Variants in NTNG1 observed in about 807,000 individuals in gnomAD.
NTNG1 encodes netrin-G1.
Under a neutral mutation model 54.0 loss-of-function variants are expected in NTNG1, and 16 were observed. The observed-to-expected ratio is 0.30, with a 90% confidence interval of 0.20 to 0.45. The LOEUF (loss-of-function observed/expected upper bound fraction) is 0.45, where lower values mean the gene tolerates loss of function less well. NTNG1 is among the 20% of genes least tolerant of loss of function. The pLI, the probability that NTNG1 is intolerant of heterozygous loss-of-function variation, is 1.00. For missense variants in NTNG1, 530 were observed against 678.7 expected (o/e 0.78, Z 2.43); for synonymous variants, 255 against 263.1 (o/e 0.97, Z 0.30).
intron 5 of NTNG1, among the ~76,000 whole-genome samples, chr1:107,428,529 G>A (rs1012456576): frequency 3.3e-5 from 5 of 152,032 alleles, no homozygotes; most frequent in South Asian, 2.1e-4. Context: ...GAACCAACCC[G>A]GGTTAGGGAA....
intron 2 of NTNG1, among the ~76,000 whole-genome samples, chr1:107,284,969 G>T (rs942920253): frequency 2.6e-5 from 4 of 152,008 alleles, no homozygotes; most frequent in African/African-American, 9.7e-5. Flanking sequence ...GATTAGTCAT[G>T]GATACATCTC....
chr1:107,332,766 A>C (rs945024680), intron 3 of NTNG1, among the ~76,000 whole-genome samples: 1 of 152,038 alleles, frequency 6.6e-6, no homozygotes, highest in Non-Finnish European at 1.5e-5. Context: ...ATTCTGTTGC[A>C]ATATGGGTCT....
rs76003985 is a variant in NTNG1 at position 107,340,250 on chromosome 1, C to G, written c.887+15328C>G. 1.9e-4 allele frequency among the ~76,000 whole-genome samples: 29 copies of G among 152,112 alleles called. No homozygotes were observed. In the East Asian group the frequency reaches 5.4e-3, roughly 28 times the overall value. Reference sequence around the variant, plus strand: ...GAAAGACATGCTTTATTTCTCCTTTCCCTAAGATAGGCATATCCAGAAAAT... The same window carrying G: ...GAAAGACATGCTTTATTTCTCCTTTGCCTAAGATAGGCATATCCAGAAAAT... On this transcript the variant is annotated intron_variant, in intron 3 of 7. Transcript: ENST00000370068.
chr1:107,260,077 C>T (rs1235963628), intron 2 of NTNG1, among the ~76,000 whole-genome samples: 1 of 152,160 alleles, frequency 6.6e-6, no homozygotes, highest in East Asian at 1.9e-4. Flanking sequence ...CAAGAAGACA[C>T]ACACTGAAAA....
chr1:107,473,515 G>A (rs548447572), intron 7 of NTNG1, among the ~76,000 whole-genome samples: 80 of 152,226 alleles, frequency 5.3e-4, no homozygotes, highest in African/African-American at 1.8e-3. Flanking sequence ...AGGAATCAAG[G>A]TCTCGTAAGT....
At chr1:107,308,238 C>G (rs1206170543) in intron 2 of NTNG1, among the ~76,000 whole-genome samples, 4 of 152,202 alleles carry the variant, frequency 2.6e-5, no homozygotes, top group African/African-American at 7.2e-5. Flanking sequence ...GTTCCTATGT[C>G]CAGAATGTTA....
chr1:107,359,337 A>T (rs1380940760), intron 3 of NTNG1, among the ~76,000 whole-genome samples: 1 of 152,220 alleles, frequency 6.6e-6, no homozygotes, highest in South Asian at 2.1e-4. Context: ...GAGAAATATA[A>T]ATAGGAGATG....
intron 2 of NTNG1, among the ~76,000 whole-genome samples, chr1:107,274,228 GA>G (rs1377869837): frequency 5.3e-5 from 8 of 152,068 alleles, no homozygotes; most frequent in African/African-American, 1.9e-4. Flanking sequence ...CCCATTCTGG[GA>G]AAAAAAGTAA....
At chr1:107,471,468 G>T (rs1165706708) in intron 7 of NTNG1, among the ~76,000 whole-genome samples, 1 of 152,136 alleles carries the variant, frequency 6.6e-6, no homozygotes, top group Non-Finnish European at 1.5e-5. Flanking sequence ...CATTGCAAAA[G>T]ACAAAAGGTG....
chr1:107,415,124 G>A (rs953050381), intron 5 of NTNG1, among the ~76,000 whole-genome samples: 3 of 152,220 alleles, frequency 2.0e-5, no homozygotes, highest in East Asian at 3.9e-4. Flanking sequence ...GACAAATTCA[G>A]TCAATTTTAA....
chr1:107,479,164 A>C (rs150216655), intron 7 of NTNG1, among the ~76,000 whole-genome samples: 1 of 152,210 alleles, frequency 6.6e-6, no homozygotes, highest in East Asian at 1.9e-4. Flanking sequence ...CACCAAGGAA[A>C]TGTTGAGGAA....
intron 2 of NTNG1, among the ~76,000 whole-genome samples, chr1:107,297,451 T>C (rs1666052586): frequency 6.6e-6 from 1 of 151,780 alleles, no homozygotes; most frequent in East Asian, 1.9e-4. Context: ...GATTCTACTT[T>C]TAGGTATGTT....
At chr1:107,287,480 G>A (rs987765820) in intron 2 of NTNG1, among the ~76,000 whole-genome samples, 9 of 152,126 alleles carry the variant, frequency 5.9e-5, no homozygotes, top group Non-Finnish European at 1.3e-4. Flanking sequence ...TAGTGCAGTG[G>A]CATGTGCCTG....
intron 2 of NTNG1, among the ~76,000 whole-genome samples, chr1:107,241,784 A>G (rs529629773): frequency 6.6e-6 from 1 of 152,266 alleles, no homozygotes; most frequent in South Asian, 2.1e-4. Flanking sequence ...CCAGGAACAT[A>G]TTTTAGGGCA....
At position 107,480,949 on chromosome 1, in the gene NTNG1, A is replaced by G. The variant is rs1167018148; in HGVS notation, c.*109A>G. 1.0e-5 allele frequency: 8 copies of G among 798,586 alleles called. No homozygotes were observed. Among genetic ancestry groups the G allele is most frequent in the African/African-American group, 1.7e-5 (1 of 58,500 alleles). 49.5% of individuals were successfully genotyped at this position (798,586 alleles called of 1,614,324 possible). A position where few individuals can be genotyped will look rare whatever the true frequency, so the allele number is the denominator to read the frequency against. On this transcript the variant is annotated 3_prime_UTR_variant, in exon 8 of 8. Coordinates refer to ENST00000370068, the MANE Select transcript of NTNG1 (RefSeq NM_001113226.3). ...CACACATACAGACACCCCCACTCAG[A>G]CAGTGTACAAACTAAGAAGGCCTAA...
At chr1:107,286,373 A>G (rs554911940) in intron 2 of NTNG1, among the ~76,000 whole-genome samples, 1 of 152,310 alleles carries the variant, frequency 6.6e-6, no homozygotes, top group South Asian at 2.1e-4. Context: ...CCTGCCACCA[A>G]TGATGAGCTA....
intron 7 of NTNG1, 42 bp from the exon 8 acceptor site, chr1:107,480,569 T>TCCCCCCCCCCCCCC: frequency 1.6e-5 from 10 of 609,566 alleles, no homozygotes; most frequent in East Asian, 5.6e-5. Context: ...CTGCTTCTCC[T>TCCCCCCCCCCCCCC]CCCCGCGCCC....
At chr1:107,153,321 T>A (rs1316329231) in intron 2 of NTNG1, among the ~76,000 whole-genome samples, 1 of 152,224 alleles carries the variant, frequency 6.6e-6, no homozygotes, top group Admixed American at 6.5e-5. Context: ...AGTTACATTT[T>A]CCATGACATG....
rs1350231382 is a variant in NTNG1, at chr1:107,146,311, G to C, written c.-525-1758G>C. 2.0e-5 allele frequency among the ~76,000 whole-genome samples: 3 copies of C among 151,874 alleles called. No individual in the cohort carries two copies. The East Asian group carries it at 5.8e-4, about 29-fold the overall frequency. ...TCAGTTATAATGCCTCCATCCCCCG[G>C]CCCTTTGGAAAGTATTTGTTTCCTC... is the stretch of plus-strand genomic sequence containing the variant. On this transcript the variant is annotated intron_variant, in intron 1 of 7. Coordinates refer to ENST00000370068, the MANE Select transcript of NTNG1 (RefSeq NM_001113226.3).
Sources: gnomAD v4.1 joint callset for allele counts (sites outside exome capture counted in the v4.1 genomes callset) on GRCh38, gnomAD v4.1.1 for gene constraint, MANE v1.5 for transcripts, NCBI Gene and HGNC (gene_info 2026-07-23, HGNC 2026-07-21) for gene names.